MYO3A: variants seen among roughly 807,000 people sequenced by gnomAD.
MYO3A encodes myosin-IIIa.
MYO3A carries 180 observed loss-of-function variants against 192.7 expected under a neutral mutation model. That is an observed-to-expected ratio of 0.93 (90% CI 0.83 to 1.06). The LOEUF (loss-of-function observed/expected upper bound fraction) is 1.06, where lower values mean the gene tolerates loss of function less well. MYO3A is among the 50% of genes least tolerant of loss of function. MYO3A has a pLI of 0.00. For synonymous variants in MYO3A, 628 were observed against 645.3 expected (o/e 0.97, Z 0.41); for missense variants, 1,896 against 1,905.0 (o/e 1.00, Z 0.09).
At chr10:26,194,464 C>T (rs1843309250) in intron 32 of MYO3A, among the ~76,000 whole-genome samples, 1 of 152,162 alleles carries the variant, frequency 6.6e-6, no homozygotes, top group South Asian at 2.1e-4. Flanking sequence ...GCTGGTCCCT[C>T]CATTTGCAAT....
chr10:26,006,136 G>A (rs1009200772), intron 6 of MYO3A, among the ~76,000 whole-genome samples: 4 of 152,092 alleles, frequency 2.6e-5, no homozygotes, highest in Non-Finnish European at 4.4e-5. Context: ...TAGCTACTGG[G>A]TACATAACGA....
chr10:26,115,385 T>C (rs1258772313), intron 17 of MYO3A, among the ~76,000 whole-genome samples: 1 of 152,186 alleles, frequency 6.6e-6, no homozygotes, highest in African/African-American at 2.4e-5. Context: ...CTGTTAGTTG[T>C]TTTTAATATC....
chr10:26,204,911 A>G (rs1360482943), intron 34 of MYO3A, among the ~76,000 whole-genome samples: 1 of 152,232 alleles, frequency 6.6e-6, no homozygotes, highest in Non-Finnish European at 1.5e-5. Flanking sequence ...CAGCCTTGAC[A>G]GTATCCTGAA....
intron 6 of MYO3A, among the ~76,000 whole-genome samples, chr10:26,005,887 C>A (rs1350001494): frequency 6.6e-6 from 1 of 151,906 alleles, no homozygotes. Flanking sequence ...CATTTTTGTA[C>A]TTTGAGGAGG....
Position 26,176,622 on chromosome 10 carries a change from C to T in MYO3A, c.4294-79C>T, listed in dbSNP as rs571098358. 1.3e-3 allele frequency: 1,667 copies of T among 1,306,904 alleles called. 16 individuals are homozygous for T. The highest frequency in any genetic ancestry group is 7.9e-3 in the South Asian group (636 of 80,202). 81.0% of individuals were successfully genotyped at this position (1,306,904 alleles called of 1,614,324 possible). On this transcript the variant is annotated intron_variant, in intron 30 of 34. Transcript: ENST00000642920. ...AGAGTCCCCAAGAGTGCTGGTAAGGCGTTTCCCAGCCCCCGGTGCCTGCAG... is the reference window on the plus strand; with the variant it reads ...AGAGTCCCCAAGAGTGCTGGTAAGGTGTTTCCCAGCCCCCGGTGCCTGCAG...
At chr10:26,178,017 T>G (rs1842415801) in intron 31 of MYO3A, among the ~76,000 whole-genome samples, 1 of 152,246 alleles carries the variant, frequency 6.6e-6, no homozygotes, top group African/African-American at 2.4e-5. Context: ...TGGCCCTGGC[T>G]GAGAGCCTCC....
intron 6 of MYO3A, among the ~76,000 whole-genome samples, chr10:26,008,110 C>G (rs1425252283): frequency 6.7e-6 from 1 of 148,362 alleles, no homozygotes; most frequent in Non-Finnish European, 1.5e-5. Context: ...TTTGACAAAC[C>G]TGAGAAAAAC....
intron 18 of MYO3A, among the ~76,000 whole-genome samples, chr10:26,124,219 T>G (rs1453682229): frequency 6.7e-6 from 1 of 149,066 alleles, no homozygotes; most frequent in Non-Finnish European, 1.5e-5. Context: ...AACTTTTACA[T>G]ATTTACGTAT....
At position 26,165,134 on chromosome 10, in the gene MYO3A, C is replaced by T. The variant is rs774680933; in HGVS notation, c.3000-933C>T. On this transcript the variant is annotated intron_variant, in intron 26 of 34. Transcript: ENST00000642920. ...ATGTTCATTTTAGAGGTTTTATCTC[C>T]GGACTCATTTTTAGATGAGGAAATT... Among the ~76,000 whole-genome samples the T allele has an allele frequency of 1.1e-4, 17 of 152,178 alleles. 1 individual carries two copies. Among genetic ancestry groups the T allele is most frequent in the South Asian group, 1.0e-3 (5 of 4,814 alleles).
chr10:26,211,471 G>T (rs1844214865), intron 34 of MYO3A, among the ~76,000 whole-genome samples: 1 of 152,166 alleles, frequency 6.6e-6, no homozygotes, highest in Non-Finnish European at 1.5e-5. Flanking sequence ...TGGGCACTTT[G>T]AGTTTTTTGT....
intron 29 of MYO3A, 30 bp from the exon 30 acceptor site, chr10:26,173,633 G>C (rs1384273821): frequency 6.3e-7 from 1 of 1,588,338 alleles, no homozygotes; most frequent in Non-Finnish European, 8.6e-7. Context: ...GTTTAGTACT[G>C]TATATTCAAA....
At chr10:26,208,747 C>A (rs1844091613) in intron 34 of MYO3A, among the ~76,000 whole-genome samples, 1 of 151,986 alleles carries the variant, frequency 6.6e-6, no homozygotes, top group South Asian at 2.1e-4. Context: ...TTTTCTTTTT[C>A]TTTTCCTTTT....
At chr10:26,129,973 G>A (rs1484523786) in intron 20 of MYO3A, among the ~76,000 whole-genome samples, 2 of 152,194 alleles carry the variant, frequency 1.3e-5, no homozygotes, top group African/African-American at 4.8e-5. Context: ...CTCATGTGAT[G>A]AATTAGTGAC....
intron 17 of MYO3A, among the ~76,000 whole-genome samples, chr10:26,116,252 C>G (rs190660434): frequency 9.8e-5 from 15 of 152,288 alleles, no homozygotes; most frequent in Non-Finnish European, 1.5e-4. Flanking sequence ...GAGGCAGAAT[C>G]TGTTCTATGC....
At chr10:26,145,179 C>CAA (rs10715590) in intron 21 of MYO3A, among the ~76,000 whole-genome samples, 10 of 94,386 alleles carry the variant, frequency 1.1e-4, no homozygotes, top group Non-Finnish European at 8.9e-5. Flanking sequence ...AACTCTGTCT[C>CAA]AAAAAAAAAA....
chr10:25,956,491 C>A (rs1256053986), intron 4 of MYO3A, among the ~76,000 whole-genome samples: 3 of 143,232 alleles, frequency 2.1e-5, no homozygotes, highest in Middle Eastern at 7.3e-3. Flanking sequence ...CCATGCCCAG[C>A]TAAATTTTTT....
At chr10:26,014,908 AAC>A (rs920707781) in intron 6 of MYO3A, among the ~76,000 whole-genome samples, 3 of 152,278 alleles carry the variant, frequency 2.0e-5, no homozygotes, top group African/African-American at 7.2e-5. Context: ...CACAATAGAA[AAC>A]ACATATTTGA....
Position 26,166,407 on chromosome 10 carries a change from T to C in MYO3A, c.3111+229T>C, listed in dbSNP as rs1273751972. 2.0e-5 allele frequency among the ~76,000 whole-genome samples: 3 copies of C among 152,154 alleles called. No homozygotes were observed. The South Asian group carries it at 6.2e-4, about 32-fold the overall frequency. ...AAGAAATACAAAAGGCTGGGCAAGG[T>C]AGCTGACACCTCTAATCCCAACACT... is the stretch of plus-strand genomic sequence containing the variant. On this transcript the variant is annotated intron_variant, in intron 27 of 34. Transcript: ENST00000642920.
intron 10 of MYO3A, among the ~76,000 whole-genome samples, chr10:26,058,230 A>G (rs2131324842): frequency 6.6e-6 from 1 of 152,020 alleles, no homozygotes; most frequent in East Asian, 1.9e-4. Flanking sequence ...ATAAAGTTGG[A>G]CTCATATATG....
Sources: allele counts gnomAD v4.1 joint callset (sites outside exome capture counted in the v4.1 genomes callset), GRCh38; gene constraint gnomAD v4.1.1; transcripts MANE v1.5; gene names NCBI Gene and HGNC (gene_info 2026-07-23, HGNC 2026-07-21).